The following MSL3 variants were observed in gnomAD, a reference collection of about 807,000 sequenced individuals.
The protein encoded by MSL3 is MSL3-like 1.
MSL3 carries 5 observed loss-of-function variants against 37.2 expected under a neutral mutation model. That is an observed-to-expected ratio of 0.13 (90% CI 0.07 to 0.28). The LOEUF (loss-of-function observed/expected upper bound fraction) is 0.28, where lower values mean the gene tolerates loss of function less well. MSL3 is among the 10% of genes least tolerant of loss of function. The pLI is 1.00. For synonymous variants in MSL3, 149 were observed against 147.6 expected, an observed-to-expected ratio of 1.01 and a Z score of -0.07; for missense variants, 315 against 408.5, an observed-to-expected ratio of 0.77 and a Z score of 1.97.
chrX:11,773,648 T>G (rs1261113601), intron 12 of MSL3, among the ~76,000 whole-genome samples: 1 of 112,218 alleles, frequency 8.9e-6, no homozygotes, highest in Non-Finnish European at 1.9e-5. Context: ...GGCATAAAAT[T>G]TTGTAAACTG....
chrX:11,759,718 T>C, intron 1 of MSL3, 75 bp from the exon 2 acceptor site: 1 of 1,193,977 alleles, frequency 8.4e-7, no homozygotes, highest in Non-Finnish European at 1.1e-6. Context: ...AAAGGGTCTG[T>C]GAATTAGTTT....
chrX:11,765,770 C>T, intron 9 of MSL3, 41 bp downstream of exon 9: 13 of 1,199,113 alleles, frequency 1.1e-5, no homozygotes, highest in Non-Finnish European at 1.5e-5. Context: ...GGAGAGCCAG[C>T]GTGTACTTTG....
rs1425312721 is a variant in MSL3, at chrX:11,768,627, A to G, written c.1226A>G (p.Glu409Gly). ...CCTATTCCTCTGACTCCTAGCAAGGAAGGGAGTGCTGTGTTTGCTGGCTTT... is the reference window on the plus strand; with the variant it reads ...CCTATTCCTCTGACTCCTAGCAAGGGAGGGAGTGCTGTGTTTGCTGGCTTT... ...SSPIPLTPSK[E>G]GSAVFAGFEG... The change falls in exon 10 of 13, where the codon GAA becomes GGA. Residue 409 changes from glutamate (E) to glycine (G), a missense_variant. By Grantham distance (98) the Glu-to-Gly change is moderately conservative. Transcript: ENST00000312196. 8.3e-7 allele frequency: 1 copy of G among 1,208,410 alleles called. No individual in the cohort carries two copies. Among genetic ancestry groups the G allele is most frequent in the Admixed American group, 2.2e-5 (1 of 46,065 alleles).
chrX:11,771,453 G>A (rs907661839), intron 10 of MSL3, among the ~76,000 whole-genome samples: 2 of 112,786 alleles, frequency 1.8e-5, no homozygotes, highest in South Asian at 3.6e-4. Context: ...ATTCAAATTC[G>A]TTTCCATAAT....
At chrX:11,769,759 ATG>A (rs766805185) in intron 10 of MSL3, among the ~76,000 whole-genome samples, 1 of 111,553 alleles carries the variant, frequency 9.0e-6, no homozygotes, top group South Asian at 3.8e-4. Flanking sequence ...TCATGCCACC[ATG>A]GCCTGGCTAA....
intron 1 of MSL3, chrX:11,758,908 C>A: frequency 3.3e-6 from 2 of 603,759 alleles, no homozygotes; most frequent in Admixed American, 3.5e-5. Context: ...CCAGTGTTTT[C>A]GTACCCCAGG....
At chrX:11,760,615 A>AAT in intron 3 of MSL3, 117 bp downstream of exon 3, 2 of 529,995 alleles carry the variant, frequency 3.8e-6, no homozygotes, top group Non-Finnish European at 5.7e-6. Flanking sequence ...ATAATTTTAA[A>AAT]TATTTAAAGT....
At chrX:11,772,321 C>A (rs1472373387) in intron 11 of MSL3, 66 bp downstream of exon 11, 3 of 923,452 alleles carry the variant, frequency 3.2e-6, no homozygotes, top group African/African-American at 2.0e-5. Context: ...GCTTTCTGTA[C>A]ACCTTGTGGT....
At chrX:11,772,778 A>G (rs1373684150) in intron 12 of MSL3, 73 bp downstream of exon 12, 11 of 569,743 alleles carry the variant, frequency 1.9e-5, no homozygotes, top group Middle Eastern at 3.5e-4. Context: ...TCTTTAGCAC[A>G]TGGGGAAGTC....
At chrX:11,764,845 C>G (rs958906648) in intron 8 of MSL3, among the ~76,000 whole-genome samples, 1 of 111,976 alleles carries the variant, frequency 8.9e-6, no homozygotes, top group African/African-American at 3.3e-5. Flanking sequence ...GCTTCTCTCT[C>G]TCCTTTCCCT....
At chrX:11,766,701 A>G (rs1361719343) in intron 9 of MSL3, 5 of 753,065 alleles carry the variant, frequency 6.6e-6, no homozygotes, top group African/African-American at 2.3e-5. Context: ...GGCAGCTTGC[A>G]TGCCTGTCCC....
intron 7 of MSL3, 76 bp from the exon 8 acceptor site, chrX:11,763,704 A>C (rs1291527575): frequency 1.1e-6 from 1 of 916,856 alleles, no homozygotes; most frequent in African/African-American, 2.0e-5. Flanking sequence ...CCTATTAAAA[A>C]TCGGCAACTT....
intron 10 of MSL3, chrX:11,769,031 G>A: frequency 7.3e-6 from 1 of 137,492 alleles, no homozygotes; most frequent in Non-Finnish European, 1.4e-5. Flanking sequence ...AACTCCAAAA[G>A]TAGCCACAGA....
At chrX:11,761,029 C>G (rs2053127548) in intron 4 of MSL3, 92 bp downstream of exon 4, 1 of 615,789 alleles carries the variant, frequency 1.6e-6, no homozygotes, top group African/African-American at 2.3e-5. Context: ...GGAAACACTT[C>G]AAGCTCATTA....
chrX:11,773,488 C>A (rs2053247204), intron 12 of MSL3, among the ~76,000 whole-genome samples: 1 of 111,997 alleles, frequency 8.9e-6, no homozygotes, highest in Admixed American at 9.5e-5. Context: ...GGGAAATCGT[C>A]TTGTGGTTTT....
In MSL3 at chrX:11,765,575, A is replaced by G; in HGVS notation, c.1017A>G (p.Lys339=). 1 of 1,210,749 alleles carries G rather than the reference A, an allele frequency of 8.3e-7. No individual in the cohort carries two copies. The highest frequency in any genetic ancestry group is 1.8e-5 in the South Asian group (1 of 56,826). ...AACCAGCCACCCCCAAAAGGCGCAA[A>G]GCTGAGCCAGAAGCATTGCAGTCTC... The part of the protein sequence containing the change: ...TGEPATPKRR[K]AEPEALQSLR... The change falls in exon 9 of 13, where the codon AAA becomes AAG. Residue 339 remains lysine, a synonymous_variant. Coordinates refer to ENST00000312196, the MANE Select transcript of MSL3 (RefSeq NM_078629.4).
chrX:11,766,361 A>T (rs2053183237), intron 9 of MSL3: 1 of 751,992 alleles, frequency 1.3e-6, no homozygotes, highest in African/African-American at 2.3e-5. Context: ...CTGCTAATTA[A>T]TCATTTTAAA....
At chrX:11,768,494 T>C in intron 9 of MSL3, 79 bp from the exon 10 acceptor site, 1 of 642,957 alleles carries the variant, frequency 1.6e-6, no homozygotes, top group Non-Finnish European at 2.5e-6. Flanking sequence ...TTTAGATTTA[T>C]GTTCTGCAGT....
At chrX:11,773,000 C>A (rs1342314456) in intron 12 of MSL3, among the ~76,000 whole-genome samples, 4 of 111,903 alleles carry the variant, frequency 3.6e-5, no homozygotes, top group African/African-American at 1.3e-4. Context: ...AATAAATTTT[C>A]TAAAGTAGAA....
Sources: gnomAD v4.1 joint callset for allele counts (sites outside exome capture counted in the v4.1 genomes callset) on GRCh38, gnomAD v4.1.1 for gene constraint, MANE v1.5 for transcripts, NCBI Gene and HGNC (gene_info 2026-07-23, HGNC 2026-07-21) for gene names.